Variants in TEKT1 observed in about 807,000 individuals in gnomAD.
TEKT1 encodes the protein tektin 1.
Under a neutral mutation model 34.8 loss-of-function variants are expected in TEKT1, and 32 were observed. The ratio of observed to expected loss-of-function variants is 0.92; its 90% CI spans 0.69 to 1.23. TEKT1 has a LOEUF of 1.23. Among genes scored for constraint, TEKT1 ranks in the 50% most tolerant of loss-of-function variants. The pLI is 0.00. For synonymous variants in TEKT1, 207 were observed against 199.8 expected, an observed-to-expected ratio of 1.04 and a Z score of -0.30; for missense variants, 492 against 518.5, an observed-to-expected ratio of 0.95 and a Z score of 0.50.
At chr17:6,821,582 C>A (rs1053567603) in intron 2 of TEKT1, among the ~76,000 whole-genome samples, 1 of 152,094 alleles carries the variant, frequency 6.6e-6, no homozygotes, top group East Asian at 1.9e-4. Context: ...TGAGGCACTG[C>A]TATAAAGATA....
At chr17:6,819,120 C>T in intron 3 of TEKT1, 73 bp downstream of exon 3, 1 of 1,540,880 alleles carries the variant, frequency 6.5e-7, no homozygotes, top group Non-Finnish European at 8.8e-7. Flanking sequence ...CACCATCGCA[C>T]ACAGCCGGCA....
intron 3 of TEKT1, 147 bp downstream of exon 3, chr17:6,819,046 C>G: frequency 1.1e-6 from 1 of 945,874 alleles, no homozygotes. Flanking sequence ...TGCCCAGCAC[C>G]AGGGGCATGC....
At chr17:6,819,951 G>C (rs1001688459) in intron 2 of TEKT1, among the ~76,000 whole-genome samples, 1 of 152,160 alleles carries the variant, frequency 6.6e-6, no homozygotes, top group African/African-American at 2.4e-5. Flanking sequence ...GCCTCCCAAA[G>C]TGCTGGGATT....
At position 6,800,031 on chromosome 17, in the gene TEKT1, C is replaced by T. The variant is rs777270391; in HGVS notation, c.1253G>A (p.Cys418Tyr). ...GAATTGGAACTAGCCCTACTATTAG[C>T]AGACAGCATCAGGGCGGAGGCCCCC... Reference protein sequence around the residue: ...WAGGLRPDAVC With the variant: ...WAGGLRPDAVY Residue 418 changes from cysteine to tyrosine, a missense_variant, in exon 8 of 8, where the codon TGC (cysteine) becomes TAC (tyrosine). Cys to Tyr is a radical substitution (Grantham distance 194). Coordinates refer to ENST00000338694, the MANE Select transcript of TEKT1 (RefSeq NM_053285.2). 5.6e-6 allele frequency: 9 copies of T among 1,605,566 alleles called. No homozygotes were observed. The South Asian group carries it at 8.8e-5, about 16-fold the overall frequency.
At chr17:6,824,703 A>C (rs1285679932) in intron 2 of TEKT1, among the ~76,000 whole-genome samples, 2 of 152,110 alleles carry the variant, frequency 1.3e-5, no homozygotes, top group African/African-American at 4.8e-5. Flanking sequence ...TCAATTTTAT[A>C]CTCCTAAGCA....
chr17:6,808,641 C>A (rs1397358113), intron 6 of TEKT1, among the ~76,000 whole-genome samples: 1 of 152,066 alleles, frequency 6.6e-6, no homozygotes, highest in African/African-American at 2.4e-5. Flanking sequence ...ACAAATAAGA[C>A]CTTCTGGAGT....
chr17:6,813,758 C>T (rs1250474360), intron 5 of TEKT1, among the ~76,000 whole-genome samples: 1 of 151,996 alleles, frequency 6.6e-6, no homozygotes, highest in African/African-American at 2.4e-5. Context: ...TGATATGAGG[C>T]TTTGTTCAGT....
intron 6 of TEKT1, among the ~76,000 whole-genome samples, chr17:6,803,404 C>A (rs1433028752): frequency 1.3e-5 from 2 of 152,036 alleles, no homozygotes; most frequent in Non-Finnish European, 2.9e-5. Context: ...TTCCATTCTG[C>A]AGGTTGCCTG....
chr17:6,830,284 C>A lies in TEKT1; in HGVS notation c.93G>T (p.Arg31Ser). ...KNQYHRADAQ[R>S]SRSERLVAES... ...CTGCGACCAGGCGTTCTGATCGGGA[C>A]CTTTGAGCGTCTGCTCTGTGGTACT... The change falls in exon 2 of 8, where the codon AGG becomes AGT. Residue 31 changes from arginine to serine, a missense_variant. By Grantham distance (110) the Arg-to-Ser change is moderately radical. Transcript: ENST00000338694. 3 of 1,613,586 alleles carry A rather than the reference C, an allele frequency of 1.9e-6. No homozygotes were observed. Among genetic ancestry groups the A allele is most frequent in the Non-Finnish European group, 2.5e-6 (3 of 1,179,972 alleles).
Position 6,798,114 on chromosome 17 carries a change from A to G in TEKT1, c.*1913T>C, listed in dbSNP as rs1286608983. On this transcript the variant is annotated 3_prime_UTR_variant, in exon 8 of 8. Transcript: ENST00000338694. The stretch of plus-strand genomic sequence containing the variant: ...TTCCCTTAAAAGCAGCATGTTCCAG[A>G]CACTGTGTTGAGAGTCTTCCACACG... The G allele has an allele frequency of 2.0e-5, 3 of 152,242 alleles. No individual in the cohort carries two copies. The highest frequency in any genetic ancestry group is 7.2e-5 in the African/African-American group (3 of 41,454). The allele number at this position is 152,242 out of a possible 1,614,324, so 9.4% of individuals were successfully genotyped here. A position where few individuals can be genotyped will look rare whatever the true frequency, so the allele number is the denominator to read the frequency against.
chr17:6,813,340 AG>A (rs202093080), intron 5 of TEKT1, among the ~76,000 whole-genome samples: 8,542 of 152,278 alleles, frequency 0.056, 297 homozygotes, highest in South Asian at 0.085. Context: ...AACTGAGCTC[AG>A]AAAAATGAAG....
In TEKT1 at chr17:6,812,824, A is replaced by G; in HGVS notation, c.852+7T>C. The G allele has an allele frequency of 1.2e-6, 2 of 1,612,622 alleles. No individual in the cohort carries two copies. The highest frequency in any genetic ancestry group is 8.5e-7 in the Non-Finnish European group (1 of 1,179,524). ...CTCTTCTTCCATGCTCCCTCAAGGG[A>G]CCTCACCTTGGCCAGATGATCAGCC... On this transcript the variant is annotated splice_region_variant and intron_variant, in intron 6 of 7. Coordinates refer to ENST00000338694, the MANE Select transcript of TEKT1 (RefSeq NM_053285.2).
intron 2 of TEKT1, among the ~76,000 whole-genome samples, chr17:6,829,162 G>T (rs987146839): frequency 6.6e-6 from 1 of 152,128 alleles, no homozygotes; most frequent in Non-Finnish European, 1.5e-5. Context: ...AGAAATTTAA[G>T]TAAATACTGT....
intron 6 of TEKT1, among the ~76,000 whole-genome samples, chr17:6,810,184 G>A (rs547812526): frequency 9.8e-5 from 15 of 152,308 alleles, no homozygotes; most frequent in Admixed American, 2.0e-4. Context: ...TGTAGGTGCC[G>A]AGGTGTTGTT....
chr17:6,828,695 A>G (rs1221653051), intron 2 of TEKT1, among the ~76,000 whole-genome samples: 1 of 151,938 alleles, frequency 6.6e-6, no homozygotes, highest in East Asian at 1.9e-4. Flanking sequence ...TGGTCCCTAT[A>G]GATAGTCGAG....
At chr17:6,807,134 T>A (rs995723585) in intron 6 of TEKT1, among the ~76,000 whole-genome samples, 2 of 152,234 alleles carry the variant, frequency 1.3e-5, no homozygotes, top group African/African-American at 4.8e-5. Context: ...TCTTTTCACA[T>A]AGTCCCATAT....
rs748279504 is a variant in TEKT1, at chr17:6,815,841, G to T, written c.478C>A (p.Gln160Lys). The change falls in exon 4 of 8, where the codon CAG (glutamine) becomes AAG (lysine). Residue 160 changes from glutamine to lysine, a missense_variant. Transcript: ENST00000338694. ...CAGGCCGAAGAGTCATACCGAATCT[G>T]CTCGGAAGCCTCCTCCAAGGTACGG... ...LTRTLEEASE[Q>K]IRMNRSAKYN... 7 of 1,614,164 alleles carry T rather than the reference G, an allele frequency of 4.3e-6. No individual in the cohort carries two copies. The South Asian group carries it at 5.5e-5, about 13-fold the overall frequency.
intron 4 of TEKT1, 64 bp downstream of exon 4, chr17:6,815,770 T>G: frequency 6.2e-7 from 1 of 1,601,276 alleles, no homozygotes; most frequent in Non-Finnish European, 8.5e-7. Flanking sequence ...GCCCAGCTTT[T>G]GTGGACACTG....
chr17:6,809,745 T>A (rs559099155), intron 6 of TEKT1, among the ~76,000 whole-genome samples: 1 of 152,350 alleles, frequency 6.6e-6, no homozygotes, highest in East Asian at 1.9e-4. Flanking sequence ...ATGATTCATA[T>A]CATACAGTAT....
Sources: allele counts gnomAD v4.1 joint callset (sites outside exome capture counted in the v4.1 genomes callset), GRCh38; gene constraint gnomAD v4.1.1; transcripts MANE v1.5; gene names NCBI Gene and HGNC (gene_info 2026-07-23, HGNC 2026-07-21).